STPG1: variants seen among roughly 807,000 people sequenced by gnomAD.
The protein encoded by STPG1 is sperm tail PG-rich repeat containing 1.
Under a neutral mutation model 40.1 loss-of-function variants are expected in STPG1, and 33 were observed. The observed-to-expected ratio is 0.82, with a 90% CI of 0.62 to 1.10. STPG1 has a LOEUF of 1.10. Among genes scored for constraint, STPG1 ranks in the 50% least tolerant of loss-of-function variants. STPG1 has a pLI of 0.00. For synonymous variants in STPG1, 150 were observed against 155.0 expected (o/e 0.97, Z 0.24); for missense variants, 396 against 415.1 (o/e 0.95, Z 0.40).
At chr1:24,390,031 C>CCCT (rs1642693313) in intron 3 of STPG1, among the ~76,000 whole-genome samples, 1 of 152,186 alleles carries the variant, frequency 6.6e-6, no homozygotes, top group East Asian at 1.9e-4. Context: ...TGGCCAAGGC[C>CCCT]CCTCACTCCA....
chr1:24,411,598 C>T (rs1229475180), intron 1 of STPG1: 2 of 152,154 alleles, frequency 1.3e-5, no homozygotes, highest in Admixed American at 6.5e-5. Context: ...CCTGCCACCA[C>T]ACCTGGCTAG....
upstream of STPG1, chr1:24,414,591 G>A (rs728093): frequency 0.24 from 33,473 of 136,912 alleles, 4,393 homozygotes; most frequent in East Asian, 0.47. Flanking sequence ...CTGGAGTGCA[G>A]TGGCGCGATC....
intron 2 of STPG1, among the ~76,000 whole-genome samples, chr1:24,400,221 G>C (rs1370512647): frequency 1.3e-5 from 2 of 152,190 alleles, no homozygotes; most frequent in African/African-American, 2.4e-5. Context: ...AAACCAACAT[G>C]AAGTTAAATC....
chr1:24,406,528 T>C (rs1197894246), intron 1 of STPG1, among the ~76,000 whole-genome samples: 1 of 152,168 alleles, frequency 6.6e-6, no homozygotes, highest in Non-Finnish European at 1.5e-5. Context: ...AGAAATTCTT[T>C]TAACTTTTCA....
chr1:24,391,069 A>C (rs764171789), intron 3 of STPG1: 2 of 152,226 alleles, frequency 1.3e-5, no homozygotes, highest in Non-Finnish European at 2.9e-5. Flanking sequence ...TAATTCTCCC[A>C]CCTCAGCTTC....
intron 1 of STPG1, among the ~76,000 whole-genome samples, chr1:24,409,143 C>T (rs981228234): frequency 1.3e-5 from 2 of 151,992 alleles, no homozygotes; most frequent in Non-Finnish European, 2.9e-5. Flanking sequence ...CGAGGTTAGG[C>T]GATAGCTTGA....
Position 24,377,374 on chromosome 1 carries a change from C to T in STPG1, c.462+2279G>A, listed in dbSNP as rs114325912. 4.7e-3 allele frequency among the ~76,000 whole-genome samples: 722 copies of T among 152,268 alleles called. 9 individuals carry two copies. Among genetic ancestry groups the T allele is most frequent in the African/African-American group, 0.016 (659 of 41,552 alleles). On this transcript the variant is annotated intron_variant, in intron 5 of 8. Coordinates refer to ENST00000337248, the MANE Select transcript of STPG1 (RefSeq NM_001199013.2). ...TCTTCAGGGCCCTGTGTGAATTGGC[C>T]GGTGTCTGTCTGGTGCCCCCTTCTC...
rs192745697 is a variant in STPG1 at position 24,371,316 on chromosome 1, G to A, written c.572-1477C>T. Among the ~76,000 whole-genome samples the A allele has an allele frequency of 7.9e-5, 12 of 152,146 alleles. No individual in the cohort carries two copies. The East Asian group carries it at 1.5e-3, about 20-fold the overall frequency. ...GACGTTCCCAGTATCAGCCGGGTAC[G>A]GTGGCTCACACCTATAATCCCAGCA... On this transcript the variant is annotated intron_variant, in intron 6 of 8. Coordinates refer to ENST00000337248, the MANE Select transcript of STPG1 (RefSeq NM_001199013.2).
intron 1 of STPG1, among the ~76,000 whole-genome samples, chr1:24,411,092 A>C (rs1420145118): frequency 6.6e-6 from 1 of 152,210 alleles, no homozygotes; most frequent in Non-Finnish European, 1.5e-5. Flanking sequence ...GTATTAATGT[A>C]GGGTTTTAAT....
rs369624029 is a variant in STPG1, at chr1:24,380,536, A to G, written c.292-713T>C. Among the ~76,000 whole-genome samples, 110 of 152,296 alleles carry G rather than the reference A, an allele frequency of 7.2e-4. 1 individual carries two copies. The South Asian group carries it at 0.022, about 31-fold the overall frequency. On this transcript the variant is annotated intron_variant, in intron 4 of 8. Transcript: ENST00000337248. ...AGTCTGATAAAACAAAAAATTTCCC[A>G]CTATTTAATGGTCAAAAGCTTGAGA... is the stretch of plus-strand genomic sequence containing the variant.
At chr1:24,368,884 T>C (rs56789543) in intron 7 of STPG1, 6,421 of 158,102 alleles carry the variant, frequency 0.041, 375 homozygotes, top group African/African-American at 0.13. Context: ...TTTGTATTTT[T>C]AGTAGAGACA....
At chr1:24,363,342 G>A (rs1641245390) in intron 7 of STPG1, among the ~76,000 whole-genome samples, 2 of 152,196 alleles carry the variant, frequency 1.3e-5, no homozygotes, top group African/African-American at 4.8e-5. Flanking sequence ...CCATGTGTGG[G>A]ATTCTGGGCC....
At position 24,358,551 on chromosome 1, in the gene STPG1, C is replaced by A; in HGVS notation, c.997G>T (p.Val333Phe). 1 of 1,613,622 alleles carries A rather than the reference C, an allele frequency of 6.2e-7. No homozygotes were observed. The highest frequency in any genetic ancestry group is 8.5e-7 in the Non-Finnish European group (1 of 1,179,518). Residue 333 changes from valine (V) to phenylalanine (F), a missense_variant, in exon 9 of 9, where the codon GTT (valine) becomes TTT (phenylalanine). Coordinates refer to ENST00000337248, the MANE Select transcript of STPG1 (RefSeq NM_001199013.2). ...GACCTTGTGTGACATCCCTACAGAACCGGGATCCATTTCTTGTCCTCGTTG... is the reference window on the plus strand; with the variant it reads ...GACCTTGTGTGACATCCCTACAGAAACGGGATCCATTTCTTGTCCTCGTTG... ...LYNEDKKWIP[V>F]L
At chr1:24,404,044 C>T (rs1186156921) in intron 1 of STPG1, among the ~76,000 whole-genome samples, 1 of 151,988 alleles carries the variant, frequency 6.6e-6, no homozygotes, top group Non-Finnish European at 1.5e-5. Context: ...GGAAAGTATT[C>T]AGTCTTTTGG....
At chr1:24,366,114 C>T (rs1641443408) in intron 7 of STPG1, among the ~76,000 whole-genome samples, 1 of 152,236 alleles carries the variant, frequency 6.6e-6, no homozygotes, top group Admixed American at 6.5e-5. Flanking sequence ...AAAAGCATTT[C>T]TGTAGCTGTA....
chr1:24,365,823 C>G (rs143161454), intron 7 of STPG1, among the ~76,000 whole-genome samples: 1 of 152,240 alleles, frequency 6.6e-6, no homozygotes, highest in Admixed American at 6.5e-5. Flanking sequence ...TCCCTTCCCC[C>G]AGGCCCACAG....
In STPG1 at chr1:24,392,682, A is replaced by AT. The variant is rs1301646609; in HGVS notation, c.71-1004_71-1003insA. ...CAGAAGGCCTCACTATGTGGGTGAT[A>AT]AGCCTTTTCCTACACTCTTCATGAG... On this transcript the variant is annotated intron_variant, in intron 2 of 8. Coordinates refer to ENST00000337248, the MANE Select transcript of STPG1 (RefSeq NM_001199013.2). Among the ~76,000 whole-genome samples, 5 of 152,306 alleles carry AT rather than the reference A, an allele frequency of 3.3e-5. No individual in the cohort carries two copies. The East Asian group carries it at 5.8e-4, about 18-fold the overall frequency.
chr1:24,403,667 TG>T (rs1271314370), intron 1 of STPG1, among the ~76,000 whole-genome samples: 1 of 152,160 alleles, frequency 6.6e-6, no homozygotes, highest in Non-Finnish European at 1.5e-5. Flanking sequence ...GTACAAATAT[TG>T]CATATATTTT....
chr1:24,384,388 A>G (rs1409898666), intron 3 of STPG1, among the ~76,000 whole-genome samples: 1 of 152,192 alleles, frequency 6.6e-6, no homozygotes, highest in Non-Finnish European at 1.5e-5. Flanking sequence ...GGGAAGGGTG[A>G]GCGATTTCAT....
Sources: allele counts gnomAD v4.1 joint callset (sites outside exome capture counted in the v4.1 genomes callset), GRCh38; gene constraint gnomAD v4.1.1; transcripts MANE v1.5; gene names NCBI Gene and HGNC (gene_info 2026-07-23, HGNC 2026-07-21).